Variants in DUSP13B observed in about 807,000 individuals in gnomAD.
The protein encoded by DUSP13B is dual specificity protein phosphatase 13B.
At chr10:75,095,484 C>T in the DUSP13B span, 2 of 1,218,000 alleles carry the variant, frequency 1.6e-6, no homozygotes, top group Non-Finnish European at 2.4e-6. Flanking sequence ...GGGTTTGTCT[C>T]TCTGGACTCC....
chr10:75,095,910 A>G, the DUSP13B span: 1 of 971,576 alleles, frequency 1.0e-6, no homozygotes, highest in Non-Finnish European at 1.6e-6. Context: ...GGTAGAGACA[A>G]GAGCCTGCAA....
the DUSP13B span, chr10:75,105,694 T>G: frequency 1.3e-6 from 2 of 1,550,492 alleles, no homozygotes; most frequent in Non-Finnish European, 1.7e-6. Flanking sequence ...ACCCCGCAGT[T>G]GCTGGTCCAG....
the DUSP13B span, among the ~76,000 whole-genome samples, chr10:75,106,101 C>CTTTTTTTTT: frequency 2.0e-4 from 25 of 122,988 alleles, no homozygotes; most frequent in Non-Finnish European, 3.8e-4. Flanking sequence ...TCTTTCTTTT[C>CTTTTTTTTT]TTTTTTTTTT....
chr10:75,105,928 G>A, the DUSP13B span: 1 of 1,489,708 alleles, frequency 6.7e-7, no homozygotes. Flanking sequence ...CACGGGCTGG[G>A]ATGGGGACCC....
chr10:75,097,526 T>C, the DUSP13B span, among the ~76,000 whole-genome samples: 7 of 152,220 alleles, frequency 4.6e-5, no homozygotes, highest in Non-Finnish European at 1.0e-4. Context: ...ACTTTTCTTA[T>C]GTGCATTCTA....
chr10:75,105,624 G>C, the DUSP13B span: 20 of 1,535,966 alleles, frequency 1.3e-5, 1 homozygote, highest in South Asian at 3.6e-5. Flanking sequence ...GGCCTCTTCC[G>C]GCCAACCACA....
chr10:75,108,105 C>T, the DUSP13B span: 2 of 1,613,848 alleles, frequency 1.2e-6, no homozygotes, highest in Non-Finnish European at 1.7e-6. Flanking sequence ...CACACTGCTG[C>T]CGTAGAAGTC....
the DUSP13B span, chr10:75,109,153 G>A: frequency 6.9e-6 from 11 of 1,586,934 alleles, no homozygotes; most frequent in Admixed American, 1.9e-4. Flanking sequence ...AGAGGTCTCA[G>A]CCATGGGCCA....
At chr10:75,101,014 C>T in the DUSP13B span, among the ~76,000 whole-genome samples, 2 of 152,250 alleles carry the variant, frequency 1.3e-5, no homozygotes, top group Admixed American at 1.3e-4. Context: ...GACTCCACTC[C>T]AGGGAGGCCA....
the DUSP13B span, chr10:75,094,851 C>T: frequency 1.9e-6 from 3 of 1,614,128 alleles, no homozygotes; most frequent in Non-Finnish European, 2.5e-6. Flanking sequence ...GCGGCTTACC[C>T]CCATGGCACA....
the DUSP13B span, among the ~76,000 whole-genome samples, chr10:75,107,590 G>A: frequency 7.4e-5 from 11 of 149,162 alleles, no homozygotes; most frequent in East Asian, 1.9e-4. Flanking sequence ...TTTTTTTGGC[G>A]GGGGGGGATG....
At chr10:75,099,704 T>C in the DUSP13B span, 5 of 393,230 alleles carry the variant, frequency 1.3e-5, no homozygotes, top group Admixed American at 5.0e-5. Context: ...TAAACCTCCA[T>C]GAAGATGGGA....
chr10:75,094,668 C>G, the DUSP13B span: 43 of 1,612,918 alleles, frequency 2.7e-5, 2 homozygotes, highest in Admixed American at 1.5e-4. Context: ...TCCTGGCTGC[C>G]TGCCAGATCA....
At chr10:75,099,479 C>G in the DUSP13B span, 1 of 1,232,226 alleles carries the variant, frequency 8.1e-7, no homozygotes, top group Non-Finnish European at 1.0e-6. Flanking sequence ...AGGGGCAGGA[C>G]TCTGCCTGAG....
chr10:75,102,434 C>T, the DUSP13B span, among the ~76,000 whole-genome samples: 2 of 151,584 alleles, frequency 1.3e-5, no homozygotes, highest in Non-Finnish European at 1.5e-5. Flanking sequence ...CAGGGCGAGA[C>T]TCCGTCTCAA....
chr10:75,105,098 C>T, the DUSP13B span, among the ~76,000 whole-genome samples: 1 of 152,152 alleles, frequency 6.6e-6, no homozygotes, highest in Non-Finnish European at 1.5e-5. Context: ...GAGGCAGGCC[C>T]TGCTGGGTGG....
the DUSP13B span, among the ~76,000 whole-genome samples, chr10:75,104,598 G>C: frequency 4.6e-5 from 7 of 152,192 alleles, no homozygotes; most frequent in Non-Finnish European, 8.8e-5. Context: ...CTAGAGGAGA[G>C]AGAGCAGGCA....
chr10:75,095,005 G>A, the DUSP13B span: 31 of 869,248 alleles, frequency 3.6e-5, 1 homozygote, highest in South Asian at 5.2e-4. Context: ...TCTGTCAAAT[G>A]GGGCAACTGA....
chr10:75,108,308 G>T, the DUSP13B span: 12 of 1,487,162 alleles, frequency 8.1e-6, no homozygotes, highest in Non-Finnish European at 1.1e-5. Flanking sequence ...AGCCATTAGG[G>T]TCCAAAGAGA....
Sources: gnomAD v4.1 joint callset for allele counts (sites outside exome capture counted in the v4.1 genomes callset) on GRCh38, gnomAD v4.1.1 for gene constraint, MANE v1.5 for transcripts, NCBI Gene and HGNC (gene_info 2026-07-23, HGNC 2026-07-21) for gene names.